Variants in BAZ1A observed in about 807,000 individuals in gnomAD.
BAZ1A encodes bromodomain adjacent to zinc finger domain protein 1A.
BAZ1A carries 50 observed loss-of-function variants against 185.2 expected under a neutral mutation model. That is an observed-to-expected ratio of 0.27 (90% confidence interval 0.22 to 0.34). The LOEUF (loss-of-function observed/expected upper bound fraction) is 0.34, where lower values mean the gene tolerates loss of function less well. BAZ1A is among the 10% of genes least tolerant of loss of function. The probability of loss-of-function intolerance (pLI) is 1.00; values close to 1 mark genes in which losing one functional copy is unlikely to be tolerated. For synonymous variants in BAZ1A, 571 were observed against 615.6 expected, an observed-to-expected ratio of 0.93 and a Z score of 1.07; for missense variants, 1,356 against 1,839.9, an observed-to-expected ratio of 0.74 and a Z score of 4.81.
At chr14:34,782,842 T>A (rs112053473) in intron 16 of BAZ1A, among the ~76,000 whole-genome samples, 37 of 152,290 alleles carry the variant, frequency 2.4e-4, no homozygotes, top group African/African-American at 8.4e-4. Context: ...CCTCTCCCTA[T>A]ATCATCTACC....
At chr14:34,796,476 T>C (rs1881206078) in intron 9 of BAZ1A, among the ~76,000 whole-genome samples, 1 of 152,232 alleles carries the variant, frequency 6.6e-6, no homozygotes, top group Non-Finnish European at 1.5e-5. Flanking sequence ...TCAAGATTCA[T>C]TTGAATCTGA....
At chr14:34,842,314 T>G (rs938932927) in intron 3 of BAZ1A, among the ~76,000 whole-genome samples, 1 of 152,226 alleles carries the variant, frequency 6.6e-6, no homozygotes, top group Non-Finnish European at 1.5e-5. Flanking sequence ...CCATACTTGC[T>G]GTCACCTTTT....
At chr14:34,769,473 C>T (rs1879066802) in intron 21 of BAZ1A, among the ~76,000 whole-genome samples, 1 of 152,144 alleles carries the variant, frequency 6.6e-6, no homozygotes. Flanking sequence ...TGTATACAAA[C>T]CAGCATAAGG....
chr14:34,868,796 G>A (rs969027774), intron 2 of BAZ1A, among the ~76,000 whole-genome samples: 11 of 151,128 alleles, frequency 7.3e-5, no homozygotes, highest in Middle Eastern at 3.4e-3. Flanking sequence ...GTGAGACTCC[G>A]TCTCAAAAAA....
chr14:34,812,185 CGAG>C (rs2041939386), intron 4 of BAZ1A, among the ~76,000 whole-genome samples: 1 of 144,572 alleles, frequency 6.9e-6, no homozygotes, highest in Non-Finnish European at 1.5e-5. Context: ...ATAAGTTGAC[CGAG>C]TATGCCTTCA....
chr14:34,874,629 TGGACCCTCGGCCGCCC>T lies in BAZ1A; in HGVS notation c.-41_-26del. On this transcript the variant is annotated 5_prime_UTR_variant, in exon 2 of 27. Coordinates refer to ENST00000360310, the MANE Select transcript of BAZ1A (RefSeq NM_013448.3). This position sits in a 1 kb window ranked among gnomAD's most constrained non-coding sequence, Gnocchi z 4.7. Reference sequence around the variant, plus strand: ...TCTCCCGTCCGCCCGCGGGCTCGCCTGGACCCTCGGCCGCCCGCGCCGGCCCCGCTTCCCTATCAAA... The same window carrying T: ...TCTCCCGTCCGCCCGCGGGCTCGCCTGCGCCGGCCCCGCTTCCCTATCAAA... 1 of 1,577,874 alleles carries T rather than the reference TGGACCCTCGGCCGCCC, an allele frequency of 6.3e-7. No homozygotes were observed. The highest frequency in any genetic ancestry group is 8.6e-7 in the Non-Finnish European group (1 of 1,158,274).
intron 2 of BAZ1A, among the ~76,000 whole-genome samples, chr14:34,871,403 G>A (rs1022028667): frequency 2.0e-5 from 3 of 152,212 alleles, no homozygotes; most frequent in African/African-American, 7.2e-5. Flanking sequence ...CTTAGCTTAC[G>A]CATTTGTCTA....
At chr14:34,823,553 G>A (rs1231593281) in intron 4 of BAZ1A, among the ~76,000 whole-genome samples, 1 of 151,900 alleles carries the variant, frequency 6.6e-6, no homozygotes, top group African/African-American at 2.4e-5. Context: ...CCAGCTACTA[G>A]AGGGGCTGAG....
At chr14:34,808,806 T>C (rs1432725254) in intron 5 of BAZ1A, among the ~76,000 whole-genome samples, 1 of 151,818 alleles carries the variant, frequency 6.6e-6, no homozygotes, top group Non-Finnish European at 1.5e-5. Context: ...AGAAAAGAAA[T>C]AGAAGTATTT....
intron 2 of BAZ1A, among the ~76,000 whole-genome samples, chr14:34,869,356 G>C (rs1326310857): frequency 6.6e-6 from 1 of 152,126 alleles, no homozygotes; most frequent in Admixed American, 6.5e-5. Flanking sequence ...AGAATAACCA[G>C]TATGGTAGAG....
intron 4 of BAZ1A, among the ~76,000 whole-genome samples, chr14:34,822,853 A>G (rs1441736274): frequency 6.6e-6 from 1 of 152,184 alleles, no homozygotes; most frequent in Non-Finnish European, 1.5e-5. Flanking sequence ...AACAGGCAAA[A>G]TATTTCCTAA....
At chr14:34,760,307 T>C (rs896198463) in intron 24 of BAZ1A, among the ~76,000 whole-genome samples, 7 of 152,178 alleles carry the variant, frequency 4.6e-5, no homozygotes, top group Non-Finnish European at 8.8e-5. Context: ...GATAAGTGGA[T>C]AGGAAAAGCT....
chr14:34,875,017 G>A (rs538590029), intron 1 of BAZ1A, 121 bp downstream of exon 1: 1 of 162,392 alleles, frequency 6.2e-6, no homozygotes, highest in Non-Finnish European at 1.3e-5. Context: ...GCAGCTGGCC[G>A]GCCGGCCAGC....
chr14:34,797,133 C>T (rs191600673), intron 9 of BAZ1A, among the ~76,000 whole-genome samples: 119 of 152,120 alleles, frequency 7.8e-4, no homozygotes, highest in African/African-American at 2.7e-3. Context: ...AAAAATTCCA[C>T]TTAAGATTAT....
chr14:34,769,374 G>A (rs1255286316), intron 21 of BAZ1A, among the ~76,000 whole-genome samples: 1 of 152,090 alleles, frequency 6.6e-6, no homozygotes, highest in Non-Finnish European at 1.5e-5. Flanking sequence ...CACTACCAAA[G>A]TAACAAACTT....
rs772238886 is a variant in BAZ1A at position 34,874,483 on chromosome 14, G to A, written c.113+9C>T. ...CCCCCCGCGGCCCCGCACACGGCCC[G>A]GCTCTTACTCGTAGTGGCGGAAGAT... On this transcript the variant is annotated intron_variant, in intron 2 of 26. Coordinates refer to ENST00000360310, the MANE Select transcript of BAZ1A (RefSeq NM_013448.3). The surrounding 1 kb of genome is among the most constrained non-coding windows in gnomAD (Gnocchi z 4.7). 5 of 1,610,900 alleles carry A rather than the reference G, an allele frequency of 3.1e-6. No homozygotes were observed. The highest frequency in any genetic ancestry group is 1.3e-5 in the African/African-American group (1 of 74,712).
intron 3 of BAZ1A, among the ~76,000 whole-genome samples, chr14:34,856,017 A>C (rs1282565929): frequency 1.3e-5 from 2 of 152,246 alleles, no homozygotes; most frequent in Admixed American, 1.3e-4. Context: ...AGAGCTTAAT[A>C]TGCCTAGTAT....
intron 3 of BAZ1A, among the ~76,000 whole-genome samples, chr14:34,853,994 G>A (rs1228375479): frequency 6.6e-6 from 1 of 152,238 alleles, no homozygotes; most frequent in African/African-American, 2.4e-5. Context: ...CAGGTAGTAA[G>A]TATGTGCTGA....
chr14:34,844,771 ACACGCG>A (rs1430851159), intron 3 of BAZ1A, among the ~76,000 whole-genome samples: 8 of 33,398 alleles, frequency 2.4e-4, no homozygotes, highest in Non-Finnish European at 6.5e-4. Flanking sequence ...ACACACACAC[ACACGCG>A]CACACACACA....
Sources: allele counts gnomAD v4.1 joint callset (sites outside exome capture counted in the v4.1 genomes callset), GRCh38; gene constraint gnomAD v4.1.1; non-coding constraint Gnocchi (gnomAD v3.1); transcripts MANE v1.5; gene names NCBI Gene and HGNC (gene_info 2026-07-23, HGNC 2026-07-21).